POU2F1: variants seen among roughly 807,000 people sequenced by gnomAD.
POU2F1 encodes the protein POU domain, class 2, transcription factor 1.
Under a neutral mutation model 84.9 loss-of-function variants are expected in POU2F1, and 16 were observed. The observed-to-expected ratio is 0.19, with a 90% CI of 0.13 to 0.29. The LOEUF is 0.29. POU2F1 is among the 10% of genes least tolerant of loss of function. POU2F1 has a pLI of 1.00. For missense variants in POU2F1, 738 were observed against 942.6 expected (o/e 0.78, Z 2.84); for synonymous variants, 368 against 368.3 (o/e 1.00, Z 0.01).
At chr1:167,408,329 T>C (rs1199875940) in intron 13 of POU2F1, among the ~76,000 whole-genome samples, 2 of 152,214 alleles carry the variant, frequency 1.3e-5, no homozygotes, top group Admixed American at 6.5e-5. Context: ...GGCAGTTCTT[T>C]TAAACATAAA....
intron 2 of POU2F1, among the ~76,000 whole-genome samples, chr1:167,336,428 A>C (rs1657453008): frequency 6.6e-6 from 1 of 152,204 alleles, no homozygotes; most frequent in Non-Finnish European, 1.5e-5. Flanking sequence ...AGTATTTTGC[A>C]TCCTGTTTAG....
At chr1:167,381,207 T>C (rs934532504) in intron 7 of POU2F1, among the ~76,000 whole-genome samples, 1 of 152,086 alleles carries the variant, frequency 6.6e-6, no homozygotes, top group African/African-American at 2.4e-5. Context: ...CTCAGCCTCC[T>C]GAGTAGCTGG....
At chr1:167,319,437 G>T (rs965528264) in intron 1 of POU2F1, among the ~76,000 whole-genome samples, 4 of 151,998 alleles carry the variant, frequency 2.6e-5, no homozygotes, top group African/African-American at 9.7e-5. Context: ...AGATTCAGTT[G>T]CATATGTGGT....
chr1:167,242,373 T>C (rs1649976452), intron 1 of POU2F1, among the ~76,000 whole-genome samples: 1 of 152,232 alleles, frequency 6.6e-6, no homozygotes, highest in Non-Finnish European at 1.5e-5. Context: ...TTTCCTGTTA[T>C]AGACACATAG....
At chr1:167,350,078 G>A (rs1385768290) in intron 2 of POU2F1, among the ~76,000 whole-genome samples, 1 of 152,148 alleles carries the variant, frequency 6.6e-6, no homozygotes, top group Non-Finnish European at 1.5e-5. Context: ...GGTTTCAGGT[G>A]AGTTTTGATT....
At chr1:167,235,768 T>C (rs1431552199) in intron 1 of POU2F1, among the ~76,000 whole-genome samples, 1 of 152,244 alleles carries the variant, frequency 6.6e-6, no homozygotes, top group Non-Finnish European at 1.5e-5. Context: ...TGAAATCATA[T>C]TCTTTGCAGT....
Position 167,411,972 on chromosome 1 carries a change from C to A in POU2F1, c.1569C>A (p.Thr523=). The change falls in exon 14 of 16, where the codon ACC becomes ACA. Residue 523 remains threonine, a synonymous_variant. Coordinates refer to ENST00000367866, the MANE Select transcript of POU2F1 (RefSeq NM_002697.4). ...TNLSVTGTSD[T]TSNNTATVIS... is the part of the protein sequence containing the mutation. ...TTGTCTTTTCAGGCACTTCAGACACCACCTCCAACAACACAGCAACCGTGA... is the reference window on the plus strand; with the variant it reads ...TTGTCTTTTCAGGCACTTCAGACACAACCTCCAACAACACAGCAACCGTGA... The A allele has an allele frequency of 6.2e-7, 1 of 1,611,946 alleles. No homozygotes were observed. Among genetic ancestry groups the A allele is most frequent in the Non-Finnish European group, 8.5e-7 (1 of 1,178,476 alleles).
At chr1:167,366,621 T>C (rs1046085792) in intron 3 of POU2F1, among the ~76,000 whole-genome samples, 3 of 152,212 alleles carry the variant, frequency 2.0e-5, no homozygotes, top group African/African-American at 7.2e-5. Context: ...CAGTGAGGCC[T>C]AATGGAACAC....
intron 2 of POU2F1, among the ~76,000 whole-genome samples, chr1:167,353,470 T>A (rs1658719089): frequency 6.6e-6 from 1 of 152,132 alleles, no homozygotes; most frequent in African/African-American, 2.4e-5. Flanking sequence ...CTATTGTTCT[T>A]ACCTTTTCAG....
intron 1 of POU2F1, among the ~76,000 whole-genome samples, chr1:167,327,986 C>T (rs1656820243): frequency 6.6e-6 from 1 of 152,038 alleles, no homozygotes; most frequent in Non-Finnish European, 1.5e-5. Context: ...AGGCTGTTGT[C>T]ATTGTAATGC....
chr1:167,402,391 C>T (rs2101921263), intron 13 of POU2F1, among the ~76,000 whole-genome samples: 1 of 152,254 alleles, frequency 6.6e-6, no homozygotes, highest in Non-Finnish European at 1.5e-5. Context: ...ATGACCTACC[C>T]ATGATGTAAA....
At chr1:167,309,954 G>T (rs1185857771) in intron 1 of POU2F1, among the ~76,000 whole-genome samples, 1 of 151,992 alleles carries the variant, frequency 6.6e-6, no homozygotes, top group Non-Finnish European at 1.5e-5. Context: ...GTCAATTCTG[G>T]TCTCATTTAC....
Position 167,315,618 on chromosome 1 carries a change from ATTG to A in POU2F1, c.62-16849_62-16847del, listed in dbSNP as rs546893884. Among the ~76,000 whole-genome samples, 417 of 151,970 alleles carry A rather than the reference ATTG, an allele frequency of 2.7e-3. 4 individuals carry two copies. Among genetic ancestry groups the A allele is most frequent in the African/African-American group, 9.7e-3 (403 of 41,382 alleles). On this transcript the variant is annotated intron_variant, in intron 1 of 15. Coordinates refer to ENST00000367866, the MANE Select transcript of POU2F1 (RefSeq NM_002697.4). ...TAGTGAGGACTTGTCTCTAAAAAAA[ATTG>A]TTTTTTGTTTGTTTGTTTGTTTGTT...
intron 1 of POU2F1, among the ~76,000 whole-genome samples, chr1:167,278,032 C>G (rs1187330172): frequency 1.3e-5 from 2 of 152,100 alleles, no homozygotes; most frequent in African/African-American, 4.8e-5. Context: ...AAACACAAAT[C>G]CAGTCATGTC....
At chr1:167,292,819 G>T (rs1011742833) in intron 1 of POU2F1, among the ~76,000 whole-genome samples, 9 of 152,108 alleles carry the variant, frequency 5.9e-5, no homozygotes, top group Non-Finnish European at 1.0e-4. Context: ...GATCAAGTAG[G>T]TCTCATCCCA....
At chr1:167,381,202 C>G (rs533780525) in intron 7 of POU2F1, among the ~76,000 whole-genome samples, 2 of 152,232 alleles carry the variant, frequency 1.3e-5, no homozygotes, top group Non-Finnish European at 2.9e-5. Flanking sequence ...TCTGCCTCAG[C>G]CTCCTGAGTA....
At chr1:167,311,359 C>T (rs1655456966) in intron 1 of POU2F1, among the ~76,000 whole-genome samples, 1 of 152,050 alleles carries the variant, frequency 6.6e-6, no homozygotes, top group African/African-American at 2.4e-5. Context: ...TCAGACTCCC[C>T]CAAATCTGTA....
chr1:167,283,110 A>G (rs956580137), intron 1 of POU2F1, among the ~76,000 whole-genome samples: 2 of 152,174 alleles, frequency 1.3e-5, no homozygotes, highest in African/African-American at 4.8e-5. Context: ...CTTCTGTTTT[A>G]CTTGTTTCTT....
intron 1 of POU2F1, among the ~76,000 whole-genome samples, chr1:167,307,591 A>T (rs1249563826): frequency 2.0e-5 from 3 of 152,154 alleles, no homozygotes; most frequent in African/African-American, 7.2e-5. Context: ...AGTGCAAACA[A>T]CTCATCCTGG....
Sources: allele counts gnomAD v4.1 joint callset (sites outside exome capture counted in the v4.1 genomes callset), GRCh38; gene constraint gnomAD v4.1.1; transcripts MANE v1.5; gene names NCBI Gene and HGNC (gene_info 2026-07-23, HGNC 2026-07-21).